BTBD7: variants seen among roughly 807,000 people sequenced by gnomAD.
The protein encoded by BTBD7 is BTB domain containing 7.
BTBD7 carries 38 observed loss-of-function variants against 99.9 expected under a neutral mutation model. That is an observed-to-expected ratio of 0.38 (90% CI 0.29 to 0.50). The LOEUF (loss-of-function observed/expected upper bound fraction) is 0.50, where lower values mean the gene tolerates loss of function less well. Ranked by LOEUF, BTBD7 falls within the 20% of genes least tolerant of loss-of-function variation. The pLI, the probability that BTBD7 is intolerant of heterozygous loss-of-function variation, is 0.93. For synonymous variants in BTBD7, 520 were observed against 511.4 expected (o/e 1.02, Z -0.23); for missense variants, 1,170 against 1,394.6 (o/e 0.84, Z 2.57).
chr14:93,316,250 C>A (rs577341576), intron 1 of BTBD7, among the ~76,000 whole-genome samples: 2 of 128,186 alleles, frequency 1.6e-5, no homozygotes, highest in South Asian at 5.2e-4. Context: ...CCACCATGCC[C>A]AGTCTTTTTT....
chr14:93,253,867 A>G, intron 6 of BTBD7, 77 bp from the exon 7 acceptor site: 2 of 621,294 alleles, frequency 3.2e-6, no homozygotes, highest in Non-Finnish European at 4.7e-6. Context: ...AATATTTATA[A>G]CTATAAATAA....
In BTBD7 at chr14:93,239,849, G is replaced by C. The variant is rs2052202591; in HGVS notation, c.*2424C>G. On this transcript the variant is annotated 3_prime_UTR_variant, in exon 11 of 11. Coordinates refer to ENST00000334746, the MANE Select transcript of BTBD7 (RefSeq NM_001002860.4). ...AATTTTCAGAAAAATGAATGTGTGG[G>C]ATCAACAGCTCTGGTCTAACATTTG... 6.6e-6 allele frequency: 1 copy of C among 152,314 alleles called. No individual in the cohort carries two copies. Among genetic ancestry groups the C allele is most frequent in the East Asian group, 1.9e-4 (1 of 5,198 alleles). The allele number at this position is 152,314 out of a possible 1,614,324, so 9.4% of individuals were successfully genotyped here. A position where few individuals can be genotyped will look rare whatever the true frequency, so the allele number is the denominator to read the frequency against.
chr14:93,244,829 T>G (rs929340303), intron 10 of BTBD7, among the ~76,000 whole-genome samples: 1 of 151,366 alleles, frequency 6.6e-6, no homozygotes, highest in African/African-American at 2.4e-5. Context: ...TGTGACTGAG[T>G]ATGAAGACTT....
At chr14:93,294,993 C>A in intron 2 of BTBD7, 56 bp from the exon 3 acceptor site, 2 of 1,446,876 alleles carry the variant, frequency 1.4e-6, no homozygotes, top group Non-Finnish European at 1.8e-6. Flanking sequence ...TCATTTTCAA[C>A]GTTTAACATT....
intron 3 of BTBD7, among the ~76,000 whole-genome samples, chr14:93,281,221 C>G (rs1448758358): frequency 6.7e-6 from 1 of 149,792 alleles, no homozygotes; most frequent in Non-Finnish European, 1.5e-5. Context: ...ATGCTGATCT[C>G]AAACTCCTGG....
intron 1 of BTBD7, among the ~76,000 whole-genome samples, chr14:93,299,421 T>C (rs2052966445): frequency 6.6e-6 from 1 of 152,210 alleles, no homozygotes; most frequent in Non-Finnish European, 1.5e-5. Flanking sequence ...GCCTGGTCTC[T>C]TTTCTACAGA....
At chr14:93,312,417 C>T (rs962235390) in intron 1 of BTBD7, among the ~76,000 whole-genome samples, 20 of 152,180 alleles carry the variant, frequency 1.3e-4, no homozygotes, top group Non-Finnish European at 1.8e-4. Flanking sequence ...GAGCCACATA[C>T]ATTCAAAAAT....
chr14:93,245,888 A>T lies in BTBD7; in HGVS notation c.2520T>A (p.Ala840=), dbSNP rs774622619. 3 of 1,613,304 alleles carry T rather than the reference A, an allele frequency of 1.9e-6. No individual in the cohort carries two copies. The South Asian group carries it at 3.3e-5, about 18-fold the overall frequency. The stretch of plus-strand genomic sequence containing the variant: ...CTGTTGAGGTGGTGGTGGCGGCAGC[A>T]GCAGCCACCGTCTGTCTGCCCAGTC... ...TAGLGRQTVA[A]AAATTTSTAT... Residue 840 remains alanine (A), a synonymous_variant, in exon 10 of 11, where the codon GCT becomes GCA. Coordinates refer to ENST00000334746, the MANE Select transcript of BTBD7 (RefSeq NM_001002860.4).
intron 1 of BTBD7, among the ~76,000 whole-genome samples, chr14:93,320,606 T>A (rs1291352794): frequency 1.3e-5 from 2 of 152,242 alleles, no homozygotes; most frequent in Admixed American, 6.5e-5. Flanking sequence ...GAATTACAGC[T>A]AGAAGTAGCT....
chr14:93,323,916 G>C (rs1353380584), intron 1 of BTBD7, among the ~76,000 whole-genome samples: 1 of 152,164 alleles, frequency 6.6e-6, no homozygotes, highest in African/African-American at 2.4e-5. Context: ...CCTATTACTT[G>C]TTGTGTGACA....
intron 1 of BTBD7, among the ~76,000 whole-genome samples, chr14:93,329,151 G>C (rs1166287078): frequency 1.3e-5 from 2 of 151,962 alleles, no homozygotes; most frequent in African/African-American, 2.4e-5. Flanking sequence ...TTGATATTCA[G>C]CATACATAAG....
chr14:93,310,267 CAAT>C (rs2139802557), intron 1 of BTBD7, among the ~76,000 whole-genome samples: 2 of 152,232 alleles, frequency 1.3e-5, no homozygotes, highest in Admixed American at 1.3e-4. Flanking sequence ...CTAAAATAAA[CAAT>C]AATTCCTTAA....
intron 3 of BTBD7, among the ~76,000 whole-genome samples, chr14:93,279,619 C>T (rs1267696489): frequency 6.6e-6 from 1 of 152,010 alleles, no homozygotes; most frequent in African/African-American, 2.4e-5. Context: ...GTGATCCCAG[C>T]TCACTGCAAC....
chr14:93,298,174 C>T (rs2052952484), intron 1 of BTBD7, among the ~76,000 whole-genome samples: 1 of 152,222 alleles, frequency 6.6e-6, no homozygotes, highest in East Asian at 1.9e-4. Context: ...AAATCAGAAG[C>T]GTCTTCAGAA....
rs565137533 is a variant in BTBD7, at chr14:93,264,157, T to G, written c.1163-164A>C. On this transcript the variant is annotated intron_variant, in intron 3 of 10. Transcript: ENST00000334746. ...AAGACTTGGTGGGATGGGTAAACAA[T>G]AGACTATGGCATCTATAGAAAATCT... Among the ~76,000 whole-genome samples the G allele has an allele frequency of 2.5e-3, 374 of 152,220 alleles. 1 individual carries two copies. The highest frequency in any genetic ancestry group is 8.7e-3 in the African/African-American group (360 of 41,540).
chr14:93,303,188 C>G (rs1595331116), intron 1 of BTBD7, among the ~76,000 whole-genome samples: 1 of 152,262 alleles, frequency 6.6e-6, no homozygotes, highest in South Asian at 2.1e-4. Context: ...TGCAGAAAGA[C>G]TTATTAGAGG....
At position 93,251,616 on chromosome 14, in the gene BTBD7, G is replaced by A. The variant is rs2052368770; in HGVS notation, c.1789C>T (p.Leu597Phe). The stretch of plus-strand genomic sequence containing the variant: ...ATTCTAACCATTCGCAAGCGCACAA[G>A]ATCCGTTTGTTCCACCATCATCTCA... ...LDEMMVEQTD[L>F]VRLRMVRMSN... The change falls in exon 8 of 11, where the codon CTT becomes TTT. Residue 597 changes from leucine (L) to phenylalanine (F), a missense_variant. Physicochemically the swap from Leu to Phe is conservative, Grantham distance 22. Transcript: ENST00000334746. 1 of 1,613,290 alleles carries A rather than the reference G, an allele frequency of 6.2e-7. No homozygotes were observed. The highest frequency in any genetic ancestry group is 2.2e-5 in the East Asian group (1 of 44,880).
intron 10 of BTBD7, among the ~76,000 whole-genome samples, chr14:93,243,607 T>A (rs1334895242): frequency 6.6e-6 from 1 of 152,228 alleles, no homozygotes; most frequent in Non-Finnish European, 1.5e-5. Context: ...TATGCTTTTC[T>A]CCTTTGCATA....
Position 93,294,539 on chromosome 14 carries a change from C to T in BTBD7, c.481G>A (p.Ala161Thr). The T allele has an allele frequency of 6.2e-7, 1 of 1,613,958 alleles. No homozygotes were observed. The highest frequency in any genetic ancestry group is 8.5e-7 in the Non-Finnish European group (1 of 1,179,952). ...GTTTTAAAAAATGGACACCTTGCTG[C>T]CAAAATGGCACGATGAACAGGAAAA... ...TCFPVHRAIL[A>T]ARCPFFKTLL... Residue 161 changes from alanine (A) to threonine (T), a missense_variant, in exon 3 of 11, where the codon GCA becomes ACA. By Grantham distance (58) the Ala-to-Thr change is moderately conservative (BLOSUM62 0). This residue lies in a region of BTBD7 where 359 missense variants were observed against 497.9 expected (regional missense o/e 0.72). Coordinates refer to ENST00000334746, the MANE Select transcript of BTBD7 (RefSeq NM_001002860.4).
Sources: allele counts gnomAD v4.1 joint callset (sites outside exome capture counted in the v4.1 genomes callset), GRCh38; gene constraint gnomAD v4.1.1; regional missense constraint gnomAD v4.1.1; transcripts MANE v1.5; gene names NCBI Gene and HGNC (gene_info 2026-07-23, HGNC 2026-07-21).